Variants in WDR75 observed in about 807,000 individuals in gnomAD.
The protein encoded by WDR75 is WD repeat domain 75, also known as WD repeat-containing protein 75.
In WDR75, 52 loss-of-function variants were observed where a neutral mutation model predicts 106.1. The observed-to-expected ratio is 0.49, with a 90% CI of 0.39 to 0.62. The LOEUF is 0.62. WDR75 is among the 20% of genes least tolerant of loss of function. The pLI is 0.00. For synonymous variants in WDR75, 333 were observed against 335.5 expected (o/e 0.99, Z 0.08); for missense variants, 905 against 970.3 (o/e 0.93, Z 0.89).
intron 3 of WDR75, among the ~76,000 whole-genome samples, chr2:189,451,315 T>A (rs1686617553): frequency 6.6e-6 from 1 of 152,158 alleles, no homozygotes; most frequent in Admixed American, 6.5e-5. Context: ...GAAGAGATGC[T>A]TAAACTCATT....
In WDR75 at chr2:189,449,887, T is replaced by G. The variant is rs1285188431; in HGVS notation, c.217-1016T>G. On this transcript the variant is annotated intron_variant, in intron 2 of 20. Coordinates refer to ENST00000314761, the MANE Select transcript of WDR75 (RefSeq NM_032168.3). ...TTTGCAGAAATCCTAAAATTGCCAC[T>G]TTCTTTAAAAATATTAAAATTCTTT... The G allele has an allele frequency of 5.1e-6, 5 of 984,582 alleles. No individual in the cohort carries two copies. The East Asian group carries it at 3.4e-4, about 67-fold the overall frequency. 61.0% of individuals were successfully genotyped at this position (984,582 alleles called of 1,614,324 possible). A position where few individuals can be genotyped will look rare whatever the true frequency, so the allele number is the denominator to read the frequency against.
At chr2:189,461,481 AT>A (rs910507558) in intron 8 of WDR75, among the ~76,000 whole-genome samples, 32 of 149,924 alleles carry the variant, frequency 2.1e-4, no homozygotes, top group Non-Finnish European at 3.5e-4. Context: ...ATGAGTTAGG[AT>A]TTTTTTTCTG....
At chr2:189,457,980 A>G (rs1365203289) in intron 6 of WDR75, among the ~76,000 whole-genome samples, 3 of 142,958 alleles carry the variant, frequency 2.1e-5, no homozygotes, top group South Asian at 4.4e-4. Context: ...GGCTGGTGCA[A>G]TGGTGTGTTC....
intron 20 of WDR75, 89 bp from the exon 21 acceptor site, chr2:189,475,124 T>A: frequency 1.0e-6 from 1 of 1,004,466 alleles, no homozygotes; most frequent in Non-Finnish European, 1.4e-6. Context: ...TTACTTTGTG[T>A]GATTATATTT....
chr2:189,458,911 A>G, intron 7 of WDR75, 39 bp downstream of exon 7: 1 of 1,576,166 alleles, frequency 6.3e-7, no homozygotes, highest in Non-Finnish European at 8.6e-7. Flanking sequence ...TCATTTATGT[A>G]CTATTTTACG....
intron 14 of WDR75, 131 bp from the exon 15 acceptor site, chr2:189,468,336 TCAGGATAA>T: frequency 1.4e-6 from 1 of 696,894 alleles, no homozygotes; most frequent in African/African-American, 1.8e-5. Context: ...ACTTTTTTCT[TCAGGATAA>T]TTATAAACAA....
At chr2:189,455,728 A>C (rs1045231549) in intron 5 of WDR75, 8 of 204,912 alleles carry the variant, frequency 3.9e-5, no homozygotes, top group Non-Finnish European at 6.7e-5. Context: ...TAATGTTTAT[A>C]ATTAATATGC....
intron 6 of WDR75, among the ~76,000 whole-genome samples, chr2:189,458,362 A>G (rs564776250): frequency 3.3e-5 from 5 of 152,196 alleles, no homozygotes; most frequent in Non-Finnish European, 7.3e-5. Flanking sequence ...TTTCAGATGC[A>G]TTAGCCATTT....
chr2:189,444,920 A>G (rs1052367945), intron 1 of WDR75, among the ~76,000 whole-genome samples: 1 of 152,098 alleles, frequency 6.6e-6, no homozygotes, highest in African/African-American at 2.4e-5. Flanking sequence ...CCCTTAAATC[A>G]TACATCCTTC....
intron 5 of WDR75, among the ~76,000 whole-genome samples, chr2:189,456,953 A>G (rs777888532): frequency 6.6e-6 from 1 of 152,194 alleles, no homozygotes; most frequent in African/African-American, 2.4e-5. Context: ...CTTTTTAAAC[A>G]GTGTTGGGCC....
chr2:189,474,321 G>A lies in WDR75; in HGVS notation c.2185G>A (p.Ala729Thr), dbSNP rs151070438. The change falls in exon 19 of 21, where the codon GCA becomes ACA. Residue 729 changes from alanine to threonine, a missense_variant. Ala to Thr is a moderately conservative substitution (Grantham distance 58). Coordinates refer to ENST00000314761, the MANE Select transcript of WDR75 (RefSeq NM_032168.3). ...ACTACCCTTAACAGAAAACATACCC[G>A]CAATTAGTGAGGTAAGTAATTATGA... The part of the protein sequence containing the change: ...VQLPLTENIP[A>T]ISELLHTPAH... 2.5e-5 allele frequency: 40 copies of A among 1,607,462 alleles called. No individual in the cohort carries two copies. Among genetic ancestry groups the A allele is most frequent in the Admixed American group, 6.8e-5 (4 of 58,478 alleles).
At chr2:189,462,279 C>T (rs1386933218) in intron 8 of WDR75, among the ~76,000 whole-genome samples, 1 of 152,022 alleles carries the variant, frequency 6.6e-6, no homozygotes, top group African/African-American at 2.4e-5. Context: ...CAGCAACAAA[C>T]TAATCAGATA....
At chr2:189,460,879 T>C (rs924732001) in intron 8 of WDR75, among the ~76,000 whole-genome samples, 4 of 152,166 alleles carry the variant, frequency 2.6e-5, no homozygotes, top group Non-Finnish European at 5.9e-5. Flanking sequence ...TTACAGTACA[T>C]AGTTGTCAGT....
rs542985249 is a variant in WDR75, at chr2:189,448,819, C to T, written c.216+311C>T. 1.8e-5 allele frequency: 9 copies of T among 493,462 alleles called. No individual in the cohort carries two copies. The East Asian group carries it at 3.1e-4, about 17-fold the overall frequency. 30.6% of individuals were successfully genotyped at this position (493,462 alleles called of 1,614,324 possible). A position where few individuals can be genotyped will look rare whatever the true frequency, so the allele number is the denominator to read the frequency against. ...TTTTTAGGTTCCCTTACATGCATTG[C>T]GAATATCCAAAAGAGGTATGTAGTT... On this transcript the variant is annotated intron_variant, in intron 2 of 20. Coordinates refer to ENST00000314761, the MANE Select transcript of WDR75 (RefSeq NM_032168.3).
At chr2:189,452,700 T>A (rs1686652856) in intron 4 of WDR75, among the ~76,000 whole-genome samples, 1 of 152,182 alleles carries the variant, frequency 6.6e-6, no homozygotes, top group African/African-American at 2.4e-5. Context: ...TTGTCAGTGA[T>A]TAGAAATAAT....
chr2:189,463,590 T>G, intron 9 of WDR75, 104 bp from the exon 10 acceptor site: 2 of 918,180 alleles, frequency 2.2e-6, no homozygotes, highest in Non-Finnish European at 3.4e-6. Flanking sequence ...TCAGAAAGTT[T>G]ATGAATTTGT....
chr2:189,470,733 C>T, intron 17 of WDR75, 86 bp from the exon 18 acceptor site: 25 of 935,956 alleles, frequency 2.7e-5, no homozygotes, highest in South Asian at 2.0e-4. Flanking sequence ...AAAATTTGAC[C>T]TTCTCATTTT....
At position 189,470,261 on chromosome 2, in the gene WDR75, A is replaced by C; in HGVS notation, c.1989+16A>C. ...AAAATCACAGGTAACTGCCTCCCTCAAAAAAGGCGATCACTTTGTACATGG... is the reference window on the plus strand; with the variant it reads ...AAAATCACAGGTAACTGCCTCCCTCCAAAAAGGCGATCACTTTGTACATGG... On this transcript the variant is annotated intron_variant, in intron 17 of 20. Coordinates refer to ENST00000314761, the MANE Select transcript of WDR75 (RefSeq NM_032168.3). 6.2e-7 allele frequency: 1 copy of C among 1,603,862 alleles called. No individual in the cohort carries two copies. The highest frequency in any genetic ancestry group is 8.5e-7 in the Non-Finnish European group (1 of 1,174,810).
chr2:189,450,609 A>T, intron 2 of WDR75: 2 of 1,173,232 alleles, frequency 1.7e-6, no homozygotes, highest in African/African-American at 3.3e-5. Flanking sequence ...CAGCCACTGC[A>T]CCTTGGTGCT....
Sources: gnomAD v4.1 joint callset for allele counts (sites outside exome capture counted in the v4.1 genomes callset) on GRCh38, gnomAD v4.1.1 for gene constraint, MANE v1.5 for transcripts, NCBI Gene and HGNC (gene_info 2026-07-23, HGNC 2026-07-21) for gene names.